Variants in TTF1 observed in about 807,000 individuals in gnomAD.
TTF1 encodes transcription termination factor 1.
A neutral mutation model predicts 80.2 loss-of-function variants in TTF1; 64 were observed. The observed-to-expected ratio is 0.80, with a 90% CI of 0.65 to 0.98. The LOEUF is 0.98. Ranked by LOEUF, TTF1 falls within the 50% of genes least tolerant of loss-of-function variation. The pLI is 0.00. For missense variants in TTF1, 1,023 were observed against 1,086.2 expected (o/e 0.94, Z 0.82); for synonymous variants, 372 against 382.7 (o/e 0.97, Z 0.33).
intron 1 of TTF1, among the ~76,000 whole-genome samples, chr9:132,405,060 GTA>G (rs1444118857): frequency 2.6e-5 from 4 of 151,298 alleles, no homozygotes; most frequent in Non-Finnish European, 1.5e-5. Context: ...TAATTTTTTT[GTA>G]TTTTTTAGTA....
In TTF1 at chr9:132,390,742, C is replaced by T. The variant is rs776371786; in HGVS notation, c.2077G>A (p.Glu693Lys). 1 of 1,614,196 alleles carries T rather than the reference C, an allele frequency of 6.2e-7. No homozygotes were observed. Among genetic ancestry groups the T allele is most frequent in the African/African-American group, 1.3e-5 (1 of 75,032 alleles). The stretch of plus-strand genomic sequence containing the variant: ...AGTTTGGAATCCACCTCTTTTAACT[C>T]CTGGGGAGACATCTTCTTCAGAATC... ...EVILKKMSPQ[E>K]LKEVDSKLQE... is the part of the protein sequence containing the mutation. The change falls in exon 7 of 11, where the codon GAG becomes AAG. Residue 693 changes from glutamate (E) to lysine (K), a missense_variant. Glu to Lys is a moderately conservative substitution (Grantham distance 56). Transcript: ENST00000334270.
chr9:132,400,311 T>G, intron 2 of TTF1, 53 bp from the exon 3 acceptor site: 1 of 1,483,854 alleles, frequency 6.7e-7, no homozygotes, highest in South Asian at 1.1e-5. Context: ...CTTGACCTCA[T>G]AACTTTAAAA....
intron 10 of TTF1, among the ~76,000 whole-genome samples, chr9:132,378,149 GTGT>G (rs1849272703): frequency 8.7e-6 from 1 of 115,592 alleles, no homozygotes; most frequent in Non-Finnish European, 1.9e-5. Flanking sequence ...AGTGCATGTG[GTGT>G]GTGTGAGTGC....
At chr9:132,385,608 C>T (rs894868611) in intron 9 of TTF1, among the ~76,000 whole-genome samples, 4 of 152,192 alleles carry the variant, frequency 2.6e-5, no homozygotes, top group East Asian at 1.9e-4. Context: ...GTCTCATCCC[C>T]GCATGGCTAC....
intron 9 of TTF1, among the ~76,000 whole-genome samples, chr9:132,380,310 T>C (rs1849347369): frequency 1.3e-5 from 2 of 152,160 alleles, no homozygotes; most frequent in African/African-American, 4.8e-5. Context: ...AACTCCTGAC[T>C]TCAGGTGACC....
In TTF1 at chr9:132,400,029, G is replaced by T. The variant is rs759206715; in HGVS notation, c.1591+6C>A. ...TTCAACAAACACTAAGGCCCCACAAGCTCACCTTGTGCTTTAAATTCCTTA... is the reference window on the plus strand; with the variant it reads ...TTCAACAAACACTAAGGCCCCACAATCTCACCTTGTGCTTTAAATTCCTTA... On this transcript the variant is annotated splice_donor_region_variant and intron_variant, in intron 3 of 10. Coordinates refer to ENST00000334270, the MANE Select transcript of TTF1 (RefSeq NM_007344.4). 2 of 1,614,096 alleles carry T rather than the reference G, an allele frequency of 1.2e-6. No homozygotes were observed. Among genetic ancestry groups the T allele is most frequent in the Non-Finnish European group, 1.7e-6 (2 of 1,179,974 alleles).
intron 1 of TTF1, among the ~76,000 whole-genome samples, 179 bp from the exon 2 acceptor site, chr9:132,403,007 C>T (rs1362715789): frequency 6.6e-6 from 1 of 152,202 alleles, no homozygotes; most frequent in Non-Finnish European, 1.5e-5. Context: ...AGGCACCCAC[C>T]AGCACGCCCA....
chr9:132,387,643 G>A (rs1390735017), intron 8 of TTF1, among the ~76,000 whole-genome samples: 1 of 152,048 alleles, frequency 6.6e-6, no homozygotes, highest in Non-Finnish European at 1.5e-5. Context: ...AGTCTCACAC[G>A]CATCACGAAA....
At chr9:132,383,081 A>C (rs953205114) in intron 9 of TTF1, among the ~76,000 whole-genome samples, 3 of 143,752 alleles carry the variant, frequency 2.1e-5, no homozygotes, top group African/African-American at 7.7e-5. Context: ...AAAAAAAATT[A>C]ACTAATTAAA....
rs776367998 is a variant in TTF1, at chr9:132,379,074, T to C, written c.2449A>G (p.Lys817Glu). ...LKAVYVPFWQ[K>E]KTFPEIIDYL... ...GAATACTAACCTGGAAAAGTCTTTT[T>C]CTGCCAAAATGGAACATAGACAGCT... is the stretch of plus-strand genomic sequence containing the variant. Residue 817 changes from lysine (K) to glutamate (E), a missense_variant, in exon 10 of 11, where the codon AAA becomes GAA. Coordinates refer to ENST00000334270, the MANE Select transcript of TTF1 (RefSeq NM_007344.4). 1.9e-6 allele frequency: 3 copies of C among 1,608,318 alleles called. No individual in the cohort carries two copies. The highest frequency in any genetic ancestry group is 1.1e-5 in the South Asian group (1 of 89,322).
At chr9:132,387,871 G>A (rs142190138) in intron 8 of TTF1, among the ~76,000 whole-genome samples, 46 of 152,272 alleles carry the variant, frequency 3.0e-4, no homozygotes, top group African/African-American at 9.6e-4. Context: ...TAAAATACAC[G>A]GAGTATACAG....
Position 132,392,107 on chromosome 9 carries a change from G to A in TTF1, c.1956C>T (p.Ser652=), listed in dbSNP as rs756035454. The A allele has an allele frequency of 6.8e-6, 11 of 1,613,974 alleles. No homozygotes were observed. The South Asian group carries it at 8.8e-5, about 13-fold the overall frequency. ...TGATCTGTGAGAACTTGAGGGCCACGGAGAGGCTACTTCGGGCCACCATCT... is the reference window on the plus strand; with the variant it reads ...TGATCTGTGAGAACTTGAGGGCCACAGAGAGGCTACTTCGGGCCACCATCT... The part of the protein sequence containing the change: ...IGEMVARSSL[S]VALKFSQISS... The change falls in exon 6 of 11, where the codon TCC becomes TCT. Residue 652 remains serine, a synonymous_variant. Transcript: ENST00000334270.
intron 9 of TTF1, 58 bp downstream of exon 9, chr9:132,386,498 G>A (rs2131629162): frequency 2.3e-6 from 3 of 1,316,182 alleles, no homozygotes; most frequent in Admixed American, 1.9e-5. Flanking sequence ...GGGAGTTATT[G>A]TATTTATTAA....
At chr9:132,405,097 C>G (rs1327980947) in intron 1 of TTF1, among the ~76,000 whole-genome samples, 1 of 152,176 alleles carries the variant, frequency 6.6e-6, no homozygotes, top group Non-Finnish European at 1.5e-5. Context: ...CCGTGTTAGC[C>G]AGGATGGTCT....
chr9:132,376,122 T>C lies in TTF1; in HGVS notation c.2511A>G (p.Glu837=). ...TTTTCTCCATCATTTTTTCTAACTT[T>C]TCCTTCAGCAAAGGTAGAGTCGTCT... is the stretch of plus-strand genomic sequence containing the variant. ...LYETTLPLLK[E]KLEKMMEKKG... is the part of the protein sequence containing the mutation. The change falls in exon 11 of 11, where the codon GAA becomes GAG. Residue 837 remains glutamate, a synonymous_variant. Coordinates refer to ENST00000334270, the MANE Select transcript of TTF1 (RefSeq NM_007344.4). 1 of 1,614,112 alleles carries C rather than the reference T, an allele frequency of 6.2e-7. No individual in the cohort carries two copies. The highest frequency in any genetic ancestry group is 8.5e-7 in the Non-Finnish European group (1 of 1,180,022).
chr9:132,392,267 C>T, intron 5 of TTF1, 61 bp from the exon 6 acceptor site: 1 of 1,597,706 alleles, frequency 6.3e-7, no homozygotes, highest in Admixed American at 1.7e-5. Flanking sequence ...AAATGGTATT[C>T]TCATCCCAGT....
At chr9:132,380,219 A>G (rs1164661738) in intron 9 of TTF1, among the ~76,000 whole-genome samples, 1 of 151,970 alleles carries the variant, frequency 6.6e-6, no homozygotes, top group Non-Finnish European at 1.5e-5. Flanking sequence ...ACAGGTGCCC[A>G]CCACCACGCC....
chr9:132,392,319 G>C (rs934725449), intron 5 of TTF1, 113 bp from the exon 6 acceptor site: 2 of 1,290,888 alleles, frequency 1.5e-6, no homozygotes, highest in Admixed American at 4.3e-5. Flanking sequence ...CAGGCTGTCA[G>C]GGAACCCGGT....
rs552697948 is a variant in TTF1, at chr9:132,377,159, G to GGTGT, written c.2465-992_2465-991insACAC. Among the ~76,000 whole-genome samples, 15 of 138,794 alleles carry GGTGT rather than the reference G, an allele frequency of 1.1e-4. No homozygotes were observed. The East Asian group carries it at 3.3e-3, about 31-fold the overall frequency. The allele number at this position is 138,794 out of a possible 152,430, so 91.1% of individuals were successfully genotyped here. On this transcript the variant is annotated intron_variant, in intron 10 of 10. Coordinates refer to ENST00000334270, the MANE Select transcript of TTF1 (RefSeq NM_007344.4). ...GTGGTGTGTGTGAGTGCATGCATGT[G>GGTGT]GTGAGTGCATGCATGTGGTGTGTGA...
Sources: allele counts gnomAD v4.1 joint callset (sites outside exome capture counted in the v4.1 genomes callset), GRCh38; gene constraint gnomAD v4.1.1; transcripts MANE v1.5; gene names NCBI Gene and HGNC (gene_info 2026-07-23, HGNC 2026-07-21).